The following ADORA1 variants were observed in gnomAD, a reference collection of about 807,000 sequenced individuals.
ADORA1 encodes adenosine A1 receptor, also known as adenosine receptor A1.
A neutral mutation model predicts 19.9 loss-of-function variants in ADORA1; 6 were observed. The ratio of observed to expected loss-of-function variants is 0.30; its 90% CI spans 0.17 to 0.59. The LOEUF is 0.59. Ranked by LOEUF, ADORA1 falls within the 20% of genes least tolerant of loss-of-function variation. The pLI, the probability that ADORA1 is intolerant of heterozygous loss-of-function variation, is 0.87. For synonymous variants in ADORA1, 194 were observed against 188.4 expected (o/e 1.03, Z -0.24); for missense variants, 302 against 439.2 (o/e 0.69, Z 2.79).
intron 3 of ADORA1, among the ~76,000 whole-genome samples, chr1:203,130,978 A>C (rs1654313095): frequency 1.3e-5 from 2 of 152,172 alleles, no homozygotes; most frequent in Non-Finnish European, 2.9e-5. Context: ...AGCTGTGCAA[A>C]AGTCACTTAC....
Position 203,129,185 on chromosome 1 carries a change from G to A in ADORA1, c.341+3G>A. On this transcript the variant is annotated splice_donor_region_variant and intron_variant, in intron 3 of 3. Transcript: ENST00000337894. ...CTCCGGGTCAAGATCCCTCTCCGGT[G>A]AGTCCACAGCGCCGAAGGTACTCGC... 1.2e-6 allele frequency: 2 copies of A among 1,607,796 alleles called. No homozygotes were observed. The highest frequency in any genetic ancestry group is 8.5e-7 in the Non-Finnish European group (1 of 1,176,534).
intron 3 of ADORA1, among the ~76,000 whole-genome samples, chr1:203,131,631 A>G (rs550717261): frequency 2.0e-5 from 3 of 152,310 alleles, no homozygotes; most frequent in South Asian, 4.1e-4. Flanking sequence ...ACACACCAGC[A>G]GTGCCTGGGA....
chr1:203,151,855 TC>T (rs1255393075), intron 3 of ADORA1, among the ~76,000 whole-genome samples: 4 of 152,132 alleles, frequency 2.6e-5, no homozygotes, highest in African/African-American at 9.7e-5. Flanking sequence ...CTCTTTACAT[TC>T]CATCTTGCCC....
intron 3 of ADORA1, among the ~76,000 whole-genome samples, chr1:203,143,081 G>A (rs1231159432): frequency 1.3e-5 from 2 of 152,204 alleles, no homozygotes; most frequent in African/African-American, 2.4e-5. Flanking sequence ...AACTTAGAAT[G>A]AGGGGTGTTG....
intron 3 of ADORA1, among the ~76,000 whole-genome samples, chr1:203,149,217 G>A (rs1363294608): frequency 6.6e-6 from 1 of 152,080 alleles, no homozygotes; most frequent in Non-Finnish European, 1.5e-5. Context: ...GCACCTGGAA[G>A]TTTCCATGAA....
At chr1:203,137,493 G>A (rs895573166) in intron 3 of ADORA1, among the ~76,000 whole-genome samples, 7 of 152,312 alleles carry the variant, frequency 4.6e-5, no homozygotes, top group South Asian at 2.1e-4. Flanking sequence ...TCTCGTTGCC[G>A]TGTTGAGAAT....
In ADORA1 at chr1:203,166,229, G is replaced by A. The variant is rs1158738383; in HGVS notation, c.*329G>A. 2 of 242,088 alleles carry A rather than the reference G, an allele frequency of 8.3e-6. No individual in the cohort carries two copies. Among genetic ancestry groups the A allele is most frequent in the Non-Finnish European group, 1.6e-5 (2 of 126,966 alleles). The allele number at this position is 242,088 out of a possible 1,614,324, so 15.0% of individuals were successfully genotyped here. A position where few individuals can be genotyped will look rare whatever the true frequency, so the allele number is the denominator to read the frequency against. ...GGGCTGGGCAGGTCCTGGGGAGGCTGAGACTGCAGAGGAGCCACCTGGGCT... is the reference window on the plus strand; with the variant it reads ...GGGCTGGGCAGGTCCTGGGGAGGCTAAGACTGCAGAGGAGCCACCTGGGCT... On this transcript the variant is annotated 3_prime_UTR_variant, in exon 4 of 4. Coordinates refer to ENST00000337894, the MANE Select transcript of ADORA1 (RefSeq NM_000674.3).
At position 203,131,838 on chromosome 1, in the gene ADORA1, C is replaced by T. The variant is rs567064934; in HGVS notation, c.341+2656C>T. Among the ~76,000 whole-genome samples the T allele has an allele frequency of 4.6e-5, 7 of 152,290 alleles. No homozygotes were observed. The South Asian group carries it at 6.2e-4, about 14-fold the overall frequency. ...TGGAGTCAGCAGGCTGCTGGGTCTA[C>T]GAAACTCCTCTTGGCCAGAGGTCCC... On this transcript the variant is annotated intron_variant, in intron 3 of 3. Transcript: ENST00000337894.
At position 203,128,272 on chromosome 1, in the gene ADORA1, T is replaced by TG. The variant is rs1307389975; in HGVS notation, c.-212-5dup. Reference sequence around the variant, plus strand: ...GTCTCTGCCGTACCATGTGATTGCTTGAAAGGCCGGGCTGGGAGCGCTGCG... The same window carrying TG: ...GTCTCTGCCGTACCATGTGATTGCTTGGAAAGGCCGGGCTGGGAGCGCTGCG... On this transcript the variant is annotated splice_polypyrimidine_tract_variant and splice_region_variant and intron_variant, in intron 1 of 3. Transcript: ENST00000337894. This position sits in a 1 kb window ranked among gnomAD's most constrained non-coding sequence, Gnocchi z 5.9. The TG allele has an allele frequency of 8.0e-7, 1 of 1,252,248 alleles. No individual in the cohort carries two copies. Among genetic ancestry groups the TG allele is most frequent in the Non-Finnish European group, 1.0e-6 (1 of 961,078 alleles). The allele number at this position is 1,252,248 out of a possible 1,614,324, so 77.6% of individuals were successfully genotyped here.
intron 3 of ADORA1, among the ~76,000 whole-genome samples, chr1:203,135,486 C>A (rs940637896): frequency 6.6e-6 from 1 of 151,888 alleles, no homozygotes; most frequent in Non-Finnish European, 1.5e-5. Flanking sequence ...TGGTGAAATG[C>A]GTCTCTACTA....
At chr1:203,134,171 C>T (rs908767280) in intron 3 of ADORA1, among the ~76,000 whole-genome samples, 4 of 152,178 alleles carry the variant, frequency 2.6e-5, no homozygotes, top group African/African-American at 4.8e-5. Flanking sequence ...GAGGAGCTTA[C>T]GCAAGATTAC....
In ADORA1 at chr1:203,128,986, G is replaced by T. The variant is rs2275349; in HGVS notation, c.145G>T (p.Val49Leu). The change falls in exon 3 of 4, where the codon GTG (valine) becomes TTG (leucine). Residue 49 changes from valine (V) to leucine (L), a missense_variant. Transcript: ENST00000337894. The surrounding 1 kb of genome is among the most constrained non-coding windows in gnomAD (Gnocchi z 5.9). ...ALRDATFCFI[V>L]SLAVADVAVG... ...GCGGGATGCCACCTTCTGCTTCATCGTGTCGCTGGCGGTGGCTGATGTGGC... is the reference window on the plus strand; with the variant it reads ...GCGGGATGCCACCTTCTGCTTCATCTTGTCGCTGGCGGTGGCTGATGTGGC... The T allele has an allele frequency of 1.2e-6, 2 of 1,614,174 alleles. No homozygotes were observed. Among genetic ancestry groups the T allele is most frequent in the Non-Finnish European group, 1.7e-6 (2 of 1,180,050 alleles).
chr1:203,155,261 C>G (rs531547796), intron 3 of ADORA1, among the ~76,000 whole-genome samples: 1 of 152,128 alleles, frequency 6.6e-6, no homozygotes, highest in Non-Finnish European at 1.5e-5. Context: ...AGGGTGGTCT[C>G]GAACTCCTGA....
chr1:203,155,016 T>TTTTTTA (rs372591619), intron 3 of ADORA1, among the ~76,000 whole-genome samples: 147 of 142,356 alleles, frequency 1.0e-3, no homozygotes, highest in African/African-American at 2.9e-3. Context: ...GCTCTTCCTA[T>TTTTTTA]TTATTATTAT....
intron 3 of ADORA1, among the ~76,000 whole-genome samples, chr1:203,136,633 CCACCTGTGGTGGGAG>C (rs1177221816): frequency 6.6e-6 from 1 of 152,132 alleles, no homozygotes; most frequent in Non-Finnish European, 1.5e-5. Context: ...AACTCTCACC[CCACCTGTGGTGGGAG>C]TGGGGATGGC....
intron 3 of ADORA1, among the ~76,000 whole-genome samples, chr1:203,141,572 A>ATTTTTT (rs56188119): frequency 4.1e-5 from 3 of 73,524 alleles, no homozygotes; most frequent in Admixed American, 2.0e-4. Flanking sequence ...TCTAACCTGG[A>ATTTTTT]TTTTTTTTTT....
At chr1:203,159,744 C>G (rs185754852) in intron 3 of ADORA1, among the ~76,000 whole-genome samples, 1 of 152,180 alleles carries the variant, frequency 6.6e-6, no homozygotes, top group Admixed American at 6.5e-5. Flanking sequence ...ACCCTAACAC[C>G]TAGAACCTGG....
At chr1:203,158,722 T>A (rs1172965801) in intron 3 of ADORA1, among the ~76,000 whole-genome samples, 5 of 152,222 alleles carry the variant, frequency 3.3e-5, no homozygotes, top group Non-Finnish European at 1.5e-5. Flanking sequence ...GGGTAATTTA[T>A]AAAGAAAAGA....
chr1:203,131,921 C>T (rs1323942886), intron 3 of ADORA1, among the ~76,000 whole-genome samples: 2 of 152,160 alleles, frequency 1.3e-5, no homozygotes, highest in Admixed American at 6.5e-5. Context: ...GCCCTGGGCA[C>T]AGAGAGTCGT....
Sources: allele counts gnomAD v4.1 joint callset (sites outside exome capture counted in the v4.1 genomes callset), GRCh38; gene constraint gnomAD v4.1.1; non-coding constraint Gnocchi (gnomAD v3.1); transcripts MANE v1.5; gene names NCBI Gene and HGNC (gene_info 2026-07-23, HGNC 2026-07-21).